GFOD1: variants seen among roughly 807,000 people sequenced by gnomAD.
The protein encoded by GFOD1 is glucose-fructose oxidoreductase domain-containing protein 1.
In GFOD1, 9 loss-of-function variants were observed where a neutral mutation model predicts 25.4. That is an observed-to-expected ratio of 0.35 (90% confidence interval 0.21 to 0.62). The LOEUF (loss-of-function observed/expected upper bound fraction) is 0.62, where lower values mean the gene tolerates loss of function less well. Ranked by LOEUF, GFOD1 falls within the 20% of genes least tolerant of loss-of-function variation. The pLI, the probability that GFOD1 is intolerant of heterozygous loss-of-function variation, is 0.72. For synonymous variants in GFOD1, 253 were observed against 245.6 expected (o/e 1.03, Z -0.28); for missense variants, 403 against 556.9 (o/e 0.72, Z 2.78).
At chr6:13,483,456 A>C (rs1302033779) in intron 1 of GFOD1, among the ~76,000 whole-genome samples, 1 of 152,196 alleles carries the variant, frequency 6.6e-6, no homozygotes, top group East Asian at 1.9e-4. Context: ...ATGTCACGCC[A>C]ATCAGCTGGG....
chr6:13,388,666 G>T (rs966434243), intron 1 of GFOD1, among the ~76,000 whole-genome samples: 4 of 152,178 alleles, frequency 2.6e-5, no homozygotes, highest in Non-Finnish European at 5.9e-5. Context: ...AACACTAGAA[G>T]AAAACCTAGG....
rs1451833256 is a variant in GFOD1 at position 13,430,238 on chromosome 6, A to G, written c.253+56400T>C. ...GATGACTTGAGGCCAGGAGTTCGAG[A>G]CCAGCCTGGCCAATGTGGCGAAACC... On this transcript the variant is annotated intron_variant, in intron 1 of 1. Coordinates refer to ENST00000379287, the MANE Select transcript of GFOD1 (RefSeq NM_018988.4). This position sits in a 1 kb window ranked among gnomAD's most constrained non-coding sequence, Gnocchi z 4.1. Among the ~76,000 whole-genome samples the G allele has an allele frequency of 6.6e-6, 1 of 152,128 alleles. No individual in the cohort carries two copies. The highest frequency in any genetic ancestry group is 1.5e-5 in the Non-Finnish European group (1 of 68,016).
At chr6:13,480,466 G>T (rs1224161671) in intron 1 of GFOD1, among the ~76,000 whole-genome samples, 1 of 152,172 alleles carries the variant, frequency 6.6e-6, no homozygotes, top group East Asian at 1.9e-4. Flanking sequence ...CATCCACACT[G>T]CCTGAGGGCT....
At chr6:13,459,050 G>A (rs1758243872) in intron 1 of GFOD1, among the ~76,000 whole-genome samples, 1 of 152,124 alleles carries the variant, frequency 6.6e-6, no homozygotes, top group African/African-American at 2.4e-5. Flanking sequence ...CAAAAGTGTT[G>A]GGAGGTGAGG....
chr6:13,486,406 G>T lies in GFOD1; in HGVS notation c.253+232C>A, dbSNP rs534864608. The T allele has an allele frequency of 2.0e-3, 1,204 of 602,836 alleles. 8 individuals carry two copies. The highest frequency in any genetic ancestry group is 0.019 in the African/African-American group (1,048 of 54,004). The allele number at this position is 602,836 out of a possible 1,614,324, so 37.3% of individuals were successfully genotyped here. ...TCTCCAGCCTGCAATCTACACACGT[G>T]GGGAAGCGCGTCCAAGTGGTGCCAG... On this transcript the variant is annotated intron_variant, in intron 1 of 1. Coordinates refer to ENST00000379287, the MANE Select transcript of GFOD1 (RefSeq NM_018988.4).
intron 1 of GFOD1, among the ~76,000 whole-genome samples, chr6:13,402,471 T>C (rs1785865270): frequency 1.3e-5 from 2 of 152,100 alleles, no homozygotes; most frequent in South Asian, 4.2e-4. Context: ...GTAAATAACT[T>C]AACAATTCAG....
chr6:13,486,257 C>CCCCCCCCA (rs1554207083), intron 1 of GFOD1: 6 of 276,728 alleles, frequency 2.2e-5, no homozygotes, highest in African/African-American at 1.8e-4. Context: ...TCCCCCCCCC[C>CCCCCCCCA]CACACACACA....
At chr6:13,401,408 G>GAAGGGAAGGGAAGGGAA (rs10664313) in intron 1 of GFOD1, among the ~76,000 whole-genome samples, 3 of 92,226 alleles carry the variant, frequency 3.3e-5, no homozygotes, top group South Asian at 8.4e-4. Context: ...GAAGGGAAGG[G>GAAGGGAAGGGAAGGGAA]AAAGGGAAAA....
intron 1 of GFOD1, among the ~76,000 whole-genome samples, chr6:13,481,379 T>C (rs1329858292): frequency 6.6e-6 from 1 of 152,208 alleles, no homozygotes; most frequent in African/African-American, 2.4e-5. Flanking sequence ...GAGATTGGCA[T>C]GTGAGGAACA....
intron 1 of GFOD1, chr6:13,486,394 A>G: frequency 1.7e-6 from 1 of 590,744 alleles, no homozygotes; most frequent in Non-Finnish European, 3.0e-6. Context: ...CCAGCCTGCA[A>G]TCTACACACG....
intron 1 of GFOD1, among the ~76,000 whole-genome samples, chr6:13,391,357 G>A (rs531248386): frequency 2.0e-5 from 3 of 151,900 alleles, no homozygotes; most frequent in African/African-American, 4.8e-5. Context: ...AATTAGCTGG[G>A]CGCAGTGGTG....
At chr6:13,460,860 G>C (rs1377570321) in intron 1 of GFOD1, among the ~76,000 whole-genome samples, 1 of 151,952 alleles carries the variant, frequency 6.6e-6, no homozygotes, top group African/African-American at 2.4e-5. Context: ...TTTTAAAAAG[G>C]GTTTGCAGGA....
At chr6:13,485,970 A>C in intron 1 of GFOD1, 1 of 952,296 alleles carries the variant, frequency 1.1e-6, no homozygotes, top group Non-Finnish European at 1.3e-6. Flanking sequence ...AAACATTCTA[A>C]TACATCATCA....
intron 1 of GFOD1, among the ~76,000 whole-genome samples, chr6:13,429,476 C>T (rs1417383719): frequency 6.6e-6 from 1 of 152,184 alleles, no homozygotes; most frequent in Non-Finnish European, 1.5e-5. Flanking sequence ...GGGTGAGTTC[C>T]ACGGTCCTCT....
chr6:13,482,087 ATATAT>A (rs1368271339), intron 1 of GFOD1, among the ~76,000 whole-genome samples: 5 of 149,470 alleles, frequency 3.3e-5, no homozygotes, highest in African/African-American at 9.8e-5. Context: ...AAATATATGT[ATATAT>A]TATATGTTAT....
intron 1 of GFOD1, among the ~76,000 whole-genome samples, chr6:13,378,589 T>G (rs867491445): frequency 2.6e-5 from 4 of 152,116 alleles, no homozygotes; most frequent in African/African-American, 9.7e-5. Context: ...AACCAGCCAT[T>G]ATAGTGCTGG....
At chr6:13,463,803 G>A (rs1257333108) in intron 1 of GFOD1, among the ~76,000 whole-genome samples, 1 of 151,838 alleles carries the variant, frequency 6.6e-6, no homozygotes, top group Admixed American at 6.6e-5. Context: ...TGCTATATAG[G>A]TACACTATAT....
At chr6:13,423,784 C>T (rs372392937) in intron 1 of GFOD1, among the ~76,000 whole-genome samples, 13 of 152,344 alleles carry the variant, frequency 8.5e-5, no homozygotes, top group African/African-American at 3.1e-4. Context: ...CTTCCTTAGA[C>T]ATCCTTTTTG....
rs2496161 is a variant in GFOD1, at chr6:13,361,533, A to G, written c.*3210T>C. 79,835 of 152,702 alleles carry G rather than the reference A, an allele frequency of 0.52. 21,538 individuals carry two copies. Among genetic ancestry groups the G allele is most frequent in the East Asian group, 0.7 (3,638 of 5,172 alleles). 9.5% of individuals were successfully genotyped at this position (152,702 alleles called of 1,614,324 possible). A position where few individuals can be genotyped will look rare whatever the true frequency, so the allele number is the denominator to read the frequency against. ...CAGCTGTGGGTACCCAGACCCCTAA[A>G]GGCATGATGAACGGTGCTGGGCTGA... On this transcript the variant is annotated 3_prime_UTR_variant, in exon 2 of 2. Coordinates refer to ENST00000379287, the MANE Select transcript of GFOD1 (RefSeq NM_018988.4).
Sources: gnomAD v4.1 joint callset for allele counts (sites outside exome capture counted in the v4.1 genomes callset) on GRCh38, gnomAD v4.1.1 for gene constraint, Gnocchi (gnomAD v3.1) non-coding constraint, MANE v1.5 for transcripts, NCBI Gene and HGNC (gene_info 2026-07-23, HGNC 2026-07-21) for gene names.